The following SHB variants were observed in gnomAD, a reference collection of about 807,000 sequenced individuals.
SHB encodes the protein SH2 domain containing adaptor protein B, also known as SH2 domain-containing adapter protein B.
A neutral mutation model predicts 52.3 loss-of-function variants in SHB; 20 were observed. The observed-to-expected ratio is 0.38, with a 90% CI of 0.27 to 0.56. SHB has a LOEUF of 0.56. Ranked by LOEUF, SHB falls within the 20% of genes least tolerant of loss-of-function variation. The probability of loss-of-function intolerance (pLI) is 0.71; values close to 1 mark genes in which losing one functional copy is unlikely to be tolerated. For missense variants in SHB, 825 were observed against 723.3 expected, an observed-to-expected ratio of 1.14 and a Z score of -1.61; for synonymous variants, 397 against 316.5, an observed-to-expected ratio of 1.25 and a Z score of -2.70.
chr9:37,978,098 C>G (rs909181294), intron 2 of SHB, among the ~76,000 whole-genome samples: 1 of 152,174 alleles, frequency 6.6e-6, no homozygotes, highest in African/African-American at 2.4e-5. Context: ...AAGTCCCTGA[C>G]AGTAGTGATA....
intron 2 of SHB, among the ~76,000 whole-genome samples, chr9:38,004,995 C>A (rs1821061600): frequency 6.6e-6 from 1 of 152,242 alleles, no homozygotes; most frequent in Non-Finnish European, 1.5e-5. Flanking sequence ...GATGAGGGGA[C>A]ATTCTTCACC....
rs1223430103 is a variant in SHB, at chr9:37,936,040, T to TAAA, written c.1346+12592_1346+12594dup. ...CAACATGGTGAAACCCCGTCTCTAC[T>TAAA]AAAAAAAAAAAAAAAAAATACAACA... On this transcript the variant is annotated intron_variant, in intron 5 of 5. Coordinates refer to ENST00000377707, the MANE Select transcript of SHB (RefSeq NM_003028.3). Among the ~76,000 whole-genome samples the TAAA allele has an allele frequency of 4.6e-3, 568 of 122,622 alleles. 2 individuals carry two copies. Among genetic ancestry groups the TAAA allele is most frequent in the African/African-American group, 0.015 (487 of 32,900 alleles). The allele number at this position is 122,622 out of a possible 152,430, so 80.4% of individuals were successfully genotyped here. A position where few individuals can be genotyped will look rare whatever the true frequency, so the allele number is the denominator to read the frequency against.
chr9:37,958,758 A>C (rs1587213064), intron 3 of SHB, among the ~76,000 whole-genome samples: 1 of 152,020 alleles, frequency 6.6e-6, no homozygotes, highest in Non-Finnish European at 1.5e-5. Context: ...ACCAGCATCT[A>C]CCCCTCGCTG....
chr9:38,038,640 A>C (rs1294188078), intron 1 of SHB, among the ~76,000 whole-genome samples: 1 of 151,684 alleles, frequency 6.6e-6, no homozygotes, highest in Non-Finnish European at 1.5e-5. Context: ...GGTCTGCCTG[A>C]CTCCCAGACT....
chr9:37,977,059 T>G (rs946420242), intron 2 of SHB, among the ~76,000 whole-genome samples: 1 of 152,230 alleles, frequency 6.6e-6, no homozygotes, highest in African/African-American at 2.4e-5. Context: ...CTTCATGACT[T>G]GGGCCATTTC....
chr9:38,058,265 G>A (rs955845424), intron 1 of SHB, among the ~76,000 whole-genome samples: 2 of 152,214 alleles, frequency 1.3e-5, no homozygotes, highest in African/African-American at 4.8e-5. Flanking sequence ...CCCAGACAGA[G>A]GGCCATCCAT....
intron 2 of SHB, among the ~76,000 whole-genome samples, chr9:37,993,970 T>G (rs546075081): frequency 6.6e-6 from 1 of 152,328 alleles, no homozygotes; most frequent in East Asian, 1.9e-4. Context: ...GGAACATGGC[T>G]AGAGTCAGAA....
chr9:38,019,829 T>C (rs926213129), intron 1 of SHB, among the ~76,000 whole-genome samples: 6 of 152,008 alleles, frequency 3.9e-5, no homozygotes, highest in Non-Finnish European at 7.4e-5. Flanking sequence ...CATCCATCAA[T>C]AGAGGAATCG....
chr9:37,958,937 C>A (rs536560968), intron 3 of SHB, among the ~76,000 whole-genome samples: 112 of 152,288 alleles, frequency 7.4e-4, no homozygotes, highest in African/African-American at 2.6e-3. Flanking sequence ...CCATGGGTGA[C>A]CTTGGGCAGG....
intron 1 of SHB, 68 bp from the exon 2 acceptor site, chr9:38,016,199 A>G (rs1034101245): frequency 1.3e-6 from 2 of 1,567,276 alleles, no homozygotes; most frequent in Admixed American, 1.7e-5. Flanking sequence ...CTTCACAGCT[A>G]GGCTTTGGGC....
chr9:38,025,881 ACACTC>A (rs531247518), intron 1 of SHB, among the ~76,000 whole-genome samples: 1 of 152,200 alleles, frequency 6.6e-6, no homozygotes, highest in Non-Finnish European at 1.5e-5. Context: ...ACACAGCAGA[ACACTC>A]CTGAGCGGGT....
Position 37,919,783 on chromosome 9 carries a change from C to G in SHB, c.*38G>C, listed in dbSNP as rs1282694195. The G allele has an allele frequency of 6.3e-7, 1 of 1,578,922 alleles. No homozygotes were observed. The highest frequency in any genetic ancestry group is 2.2e-5 in the East Asian group (1 of 44,610). On this transcript the variant is annotated 3_prime_UTR_variant, in exon 6 of 6. Transcript: ENST00000377707. ...TGGGGGGCCTCTGGCACCTCCAAGTCTCAGGCTCTGTCACAGAGCAGGGCA... is the reference window on the plus strand; with the variant it reads ...TGGGGGGCCTCTGGCACCTCCAAGTGTCAGGCTCTGTCACAGAGCAGGGCA...
Position 37,955,877 on chromosome 9 carries a change from A to G in SHB, c.1226+6T>C, listed in dbSNP as rs1034912741. 1 of 1,612,714 alleles carries G rather than the reference A, an allele frequency of 6.2e-7. No individual in the cohort carries two copies. The highest frequency in any genetic ancestry group is 8.5e-7 in the Non-Finnish European group (1 of 1,179,100). On this transcript the variant is annotated splice_donor_region_variant and intron_variant, in intron 4 of 5. Transcript: ENST00000377707. Reference sequence around the variant, plus strand: ...GTGAGGTTGGGCTTTGCTCCCAAGAACTTACATTTGCTTCTCCAGGGGGAC... The same window carrying G: ...GTGAGGTTGGGCTTTGCTCCCAAGAGCTTACATTTGCTTCTCCAGGGGGAC...
In SHB at chr9:38,068,356, T is replaced by C; in HGVS notation, c.290A>G (p.Asn97Ser). Residue 97 changes from asparagine to serine, a missense_variant, in exon 1 of 6, where the codon AAC (asparagine) becomes AGC (serine). Coordinates refer to ENST00000377707, the MANE Select transcript of SHB (RefSeq NM_003028.3). ...QKERDFEDPY[N>S]GPGSSLRKLR... ...TTTGCGCAGCGACGAGCCAGGCCCG[T>C]TGTAGGGGTCCTCGAAGTCTCGCTC... is the stretch of plus-strand genomic sequence containing the variant. 6.4e-7 allele frequency: 1 copy of C among 1,567,232 alleles called. No individual in the cohort carries two copies. The highest frequency in any genetic ancestry group is 8.6e-7 in the Non-Finnish European group (1 of 1,160,876).
chr9:37,985,844 T>C (rs1430350454), intron 2 of SHB, among the ~76,000 whole-genome samples: 1 of 99,944 alleles, frequency 1.0e-5, no homozygotes, highest in Non-Finnish European at 2.0e-5. Context: ...AGCGCTGAGT[T>C]GGACAGCAGT....
intron 1 of SHB, among the ~76,000 whole-genome samples, chr9:38,063,365 C>T (rs1821918712): frequency 6.6e-6 from 1 of 152,248 alleles, no homozygotes; most frequent in African/African-American, 2.4e-5. Context: ...GACTTTCTTC[C>T]CTTTGTGGGC....
intron 4 of SHB, among the ~76,000 whole-genome samples, chr9:37,951,833 G>A (rs558252062): frequency 1.1e-3 from 168 of 152,376 alleles, no homozygotes; most frequent in Non-Finnish European, 2.2e-3. Flanking sequence ...TCTGGGGGCC[G>A]GGCCGGCACT....
intron 1 of SHB, among the ~76,000 whole-genome samples, chr9:38,045,860 TG>T (rs1167896287): frequency 1.3e-5 from 2 of 151,260 alleles, no homozygotes; most frequent in Admixed American, 1.3e-4. Flanking sequence ...CAAGAGGGAG[TG>T]GGGTCAAAAC....
At chr9:37,940,120 C>T (rs1564083472) in intron 5 of SHB, among the ~76,000 whole-genome samples, 1 of 152,136 alleles carries the variant, frequency 6.6e-6, no homozygotes. Context: ...GATTTGAACC[C>T]AGGTCTCCTG....
Sources: allele counts gnomAD v4.1 joint callset (sites outside exome capture counted in the v4.1 genomes callset), GRCh38; gene constraint gnomAD v4.1.1; transcripts MANE v1.5; gene names NCBI Gene and HGNC (gene_info 2026-07-23, HGNC 2026-07-21).